INSYN2A: variants seen among roughly 807,000 people sequenced by gnomAD.
INSYN2A encodes the protein family with sequence similarity 196 member A.
Under a neutral mutation model 39.4 loss-of-function variants are expected in INSYN2A, and 17 were observed. The observed-to-expected ratio is 0.43, with a 90% CI of 0.30 to 0.65. The LOEUF (loss-of-function observed/expected upper bound fraction) is 0.65. Among genes scored for constraint, INSYN2A ranks in the 30% least tolerant of loss-of-function variants. INSYN2A has a pLI of 0.14. For missense variants in INSYN2A, 595 were observed against 631.2 expected, an observed-to-expected ratio of 0.94 and a Z score of 0.61; for synonymous variants, 255 against 265.7, an observed-to-expected ratio of 0.96 and a Z score of 0.39.
rs796201035 is a variant in INSYN2A at position 127,165,982 on chromosome 10, T to C, written c.1184+9230A>G. ...CCAGGCCTGGGAGGGTAGGAGCTTC[T>C]GTAGCCTTTTCAAGTAAAAGGGAAA... On this transcript the variant is annotated intron_variant, in intron 4 of 5. Transcript: ENST00000522781. Among the ~76,000 whole-genome samples, 4 of 152,230 alleles carry C rather than the reference T, an allele frequency of 2.6e-5. No homozygotes were observed. In the South Asian group the frequency reaches 8.3e-4, roughly 31 times the overall value.
At chr10:127,193,162 G>A (rs1286018694) in intron 1 of INSYN2A, among the ~76,000 whole-genome samples, 2 of 152,168 alleles carry the variant, frequency 1.3e-5, no homozygotes, top group Non-Finnish European at 2.9e-5. Context: ...ATTTCTGGTT[G>A]GGGAATGTAG....
At chr10:127,140,726 C>A (rs535584505) in intron 5 of INSYN2A, among the ~76,000 whole-genome samples, 99 of 152,260 alleles carry the variant, frequency 6.5e-4, no homozygotes, top group African/African-American at 2.2e-3. Context: ...AGAAGGTTAA[C>A]GGTCTGGCCA....
At chr10:127,191,928 T>G (rs1370166368) in intron 2 of INSYN2A, among the ~76,000 whole-genome samples, 1 of 152,240 alleles carries the variant, frequency 6.6e-6, no homozygotes, top group East Asian at 1.9e-4. Flanking sequence ...TTCCGTAGCC[T>G]CCTTCCCATG....
At position 127,184,408 on chromosome 10, in the gene INSYN2A, T is replaced by C. The variant is rs567294234; in HGVS notation, c.-268-7269A>G. 3.3e-5 allele frequency among the ~76,000 whole-genome samples: 5 copies of C among 151,356 alleles called. No individual in the cohort carries two copies. The South Asian group carries it at 1.1e-3, about 32-fold the overall frequency. On this transcript the variant is annotated intron_variant, in intron 2 of 5. Coordinates refer to ENST00000522781, the MANE Select transcript of INSYN2A (RefSeq NM_001039762.3). ...GCTTCTCCTACTGATTTCTTCCCTT[T>C]AGTTCCACACTGTTCCCACCCTGAT...
At chr10:127,172,749 T>G (rs1225381143) in intron 4 of INSYN2A, among the ~76,000 whole-genome samples, 1 of 152,158 alleles carries the variant, frequency 6.6e-6, no homozygotes, top group African/African-American at 2.4e-5. Context: ...GAACTAGGAT[T>G]GATTTTAAAG....
At chr10:127,181,868 C>T (rs950244857) in intron 2 of INSYN2A, among the ~76,000 whole-genome samples, 2 of 152,208 alleles carry the variant, frequency 1.3e-5, no homozygotes, top group Non-Finnish European at 2.9e-5. Context: ...TGGAAGTCCT[C>T]TTTTCCTTGG....
chr10:127,188,828 C>A (rs1035201466), intron 2 of INSYN2A, among the ~76,000 whole-genome samples: 4 of 152,224 alleles, frequency 2.6e-5, no homozygotes, highest in Non-Finnish European at 5.9e-5. Context: ...TCCAAACACC[C>A]TCTGAAGGAG....
chr10:127,143,610 A>T (rs951079), intron 5 of INSYN2A, among the ~76,000 whole-genome samples: 1 of 152,044 alleles, frequency 6.6e-6, no homozygotes, highest in Non-Finnish European at 1.5e-5. Flanking sequence ...TCCCCAAAGC[A>T]CAACAATTTA....
chr10:127,151,335 G>T (rs2133466577), intron 5 of INSYN2A, among the ~76,000 whole-genome samples: 1 of 152,126 alleles, frequency 6.6e-6, no homozygotes, highest in African/African-American at 2.4e-5. Context: ...AAAGACTTTG[G>T]GAGGCAGCAG....
Position 127,175,672 on chromosome 10 carries a change from G to C in INSYN2A, c.724C>G (p.Pro242Ala). 1 of 1,613,716 alleles carries C rather than the reference G, an allele frequency of 6.2e-7. No individual in the cohort carries two copies. The highest frequency in any genetic ancestry group is 2.2e-5 in the East Asian group (1 of 44,878). ...TTAAACACCCTCCTGAGGGCAGGTG[G>C]AGCGGGCTCCTCGGAGTTTGGCCTC... Reference protein sequence around the residue: ...RGRPNSEEPAPPALRRVFKTE... With the variant: ...RGRPNSEEPAAPALRRVFKTE... Residue 242 changes from proline to alanine, a missense_variant, in exon 4 of 6, where the codon CCA becomes GCA. Physicochemically the swap from Pro to Ala is conservative, Grantham distance 27. This residue lies in a region of INSYN2A where 478 missense variants were observed against 467.4 expected (regional missense o/e 1.02). Transcript: ENST00000522781. This position sits in a 1 kb window ranked among gnomAD's most constrained non-coding sequence, Gnocchi z 6.3.
intron 4 of INSYN2A, among the ~76,000 whole-genome samples, chr10:127,155,629 C>T (rs1172807675): frequency 6.6e-6 from 1 of 152,178 alleles, no homozygotes; most frequent in Non-Finnish European, 1.5e-5. Flanking sequence ...CCCTTTCCTC[C>T]TCATGGCAAG....
Position 127,175,732 on chromosome 10 carries a change from A to G in INSYN2A, c.664T>C (p.Tyr222His), listed in dbSNP as rs1354385963. 1.2e-6 allele frequency: 2 copies of G among 1,614,072 alleles called. No homozygotes were observed. Among genetic ancestry groups the G allele is most frequent in the East Asian group, 4.5e-5 (2 of 44,852 alleles). ...STRPPSEEPD[Y>H]QLLGRAKQDR... ...TGCTTGGCCCTCCCGAGCAGCTGGTAATCGGGCTCTTCGGATGGAGGCCGA... is the reference window on the plus strand; with the variant it reads ...TGCTTGGCCCTCCCGAGCAGCTGGTGATCGGGCTCTTCGGATGGAGGCCGA... The change falls in exon 4 of 6, where the codon TAC becomes CAC. Residue 222 changes from tyrosine (Y) to histidine (H), a missense_variant. By Grantham distance (83) the Tyr-to-His change is moderately conservative (BLOSUM62 2). Around this residue, in one of 2 missense-constraint regions of INSYN2A, gnomAD observed 478 missense variants for 467.4 expected, o/e 1.02. Transcript: ENST00000522781. The surrounding 1 kb of genome is among the most constrained non-coding windows in gnomAD (Gnocchi z 6.3).
intron 4 of INSYN2A, among the ~76,000 whole-genome samples, chr10:127,159,088 A>G (rs1174090974): frequency 2.0e-5 from 3 of 152,198 alleles, no homozygotes; most frequent in Non-Finnish European, 2.9e-5. Flanking sequence ...CTATAAGAAC[A>G]TAGACTCTGC....
intron 1 of INSYN2A, among the ~76,000 whole-genome samples, chr10:127,194,513 C>T (rs1427531772): frequency 2.0e-5 from 3 of 152,196 alleles, no homozygotes; most frequent in African/African-American, 7.2e-5. Context: ...CCAGCACTTT[C>T]CGCCTCTGCA....
At chr10:127,149,858 A>G (rs948208394) in intron 5 of INSYN2A, among the ~76,000 whole-genome samples, 1 of 152,148 alleles carries the variant, frequency 6.6e-6, no homozygotes, top group South Asian at 2.1e-4. Context: ...CATGGTGCAT[A>G]TGGAGAAGTG....
intron 4 of INSYN2A, among the ~76,000 whole-genome samples, chr10:127,166,453 A>G (rs1313950146): frequency 6.6e-6 from 1 of 152,190 alleles, no homozygotes; most frequent in East Asian, 1.9e-4. Flanking sequence ...GACAGCCCAG[A>G]TGTGAATTCT....
intron 2 of INSYN2A, among the ~76,000 whole-genome samples, chr10:127,177,596 G>A (rs2055290804): frequency 6.6e-6 from 1 of 152,214 alleles, no homozygotes; most frequent in South Asian, 2.1e-4. Context: ...GCAAGGTCAT[G>A]GACATGGGCC....
rs2052744849 is a variant in INSYN2A at position 127,153,772 on chromosome 10, C to T, written c.1256+80G>A. ...CTGATAGAATCATCCCAGCATGGCC[C>T]CAGATCGTTCTTGCATTTGTGGGTA... On this transcript the variant is annotated intron_variant, in intron 5 of 5. Transcript: ENST00000522781. 6 of 1,111,616 alleles carry T rather than the reference C, an allele frequency of 5.4e-6. No individual in the cohort carries two copies. The Admixed American group carries it at 7.0e-5, about 13-fold the overall frequency. 68.9% of individuals were successfully genotyped at this position (1,111,616 alleles called of 1,614,324 possible). A position where few individuals can be genotyped will look rare whatever the true frequency, so the allele number is the denominator to read the frequency against.
chr10:127,151,887 A>G (rs1037292419), intron 5 of INSYN2A, among the ~76,000 whole-genome samples: 4 of 152,220 alleles, frequency 2.6e-5, no homozygotes, highest in Non-Finnish European at 5.9e-5. Flanking sequence ...CATTCCTGAA[A>G]GGACAGATTT....
Sources: gnomAD v4.1 joint callset for allele counts (sites outside exome capture counted in the v4.1 genomes callset) on GRCh38, gnomAD v4.1.1 for gene constraint, gnomAD v4.1.1 regional missense constraint, Gnocchi (gnomAD v3.1) non-coding constraint, MANE v1.5 for transcripts, NCBI Gene and HGNC (gene_info 2026-07-23, HGNC 2026-07-21) for gene names.